The following PTPRM variants were observed in gnomAD, a reference collection of about 807,000 sequenced individuals.
PTPRM encodes protein tyrosine phosphatase receptor type M.
Under a neutral mutation model 186.7 loss-of-function variants are expected in PTPRM, and 47 were observed. The ratio of observed to expected loss-of-function variants is 0.25; its 90% CI spans 0.20 to 0.32. The LOEUF (loss-of-function observed/expected upper bound fraction) is 0.32, where lower values mean the gene tolerates loss of function less well. Among genes scored for constraint, PTPRM ranks in the 10% least tolerant of loss-of-function variants. The probability of loss-of-function intolerance (pLI) is 1.00; values close to 1 mark genes in which losing one functional copy is unlikely to be tolerated. For synonymous variants in PTPRM, 668 were observed against 674.9 expected (o/e 0.99, Z 0.16); for missense variants, 1,494 against 1,865.0 (o/e 0.80, Z 3.66).
At chr18:7,722,440 C>A (rs2040465172) in intron 1 of PTPRM, among the ~76,000 whole-genome samples, 1 of 151,858 alleles carries the variant, frequency 6.6e-6, no homozygotes, top group African/African-American at 2.4e-5. Context: ...CGTACACCAT[C>A]ATAAAATCCA....
In PTPRM at chr18:8,394,088, A is replaced by G. The variant is rs113400408; in HGVS notation, c.4209-388A>G. Among the ~76,000 whole-genome samples, 496 of 152,160 alleles carry G rather than the reference A, an allele frequency of 3.3e-3. 2 individuals are homozygous for G. The highest frequency in any genetic ancestry group is 0.012 in the African/African-American group (478 of 41,530). On this transcript the variant is annotated intron_variant, in intron 31 of 32. Transcript: ENST00000580170. ...ATTACAGGTGTGAGTCACTGCGCCC[A>G]GCTGCTAATGGATGTTTTTAAAGGC...
At chr18:7,797,445 C>A (rs1000848915) in intron 2 of PTPRM, among the ~76,000 whole-genome samples, 3 of 152,224 alleles carry the variant, frequency 2.0e-5, no homozygotes, top group African/African-American at 7.2e-5. Flanking sequence ...GGTGTTCCTC[C>A]ACTCAGAGTA....
At chr18:7,945,005 T>C (rs1288640960) in intron 5 of PTPRM, among the ~76,000 whole-genome samples, 2 of 152,180 alleles carry the variant, frequency 1.3e-5, no homozygotes, top group Non-Finnish European at 2.9e-5. Context: ...TGGGTCATCA[T>C]AGGAGAGCCC....
At chr18:7,834,485 C>A (rs1273241839) in intron 2 of PTPRM, among the ~76,000 whole-genome samples, 1 of 95,396 alleles carries the variant, frequency 1.0e-5, no homozygotes, top group Non-Finnish European at 2.3e-5. Flanking sequence ...GGCCAATATA[C>A]AAGTATACAC....
intron 1 of PTPRM, among the ~76,000 whole-genome samples, chr18:7,688,656 C>G (rs2039664634): frequency 6.6e-6 from 1 of 152,186 alleles, no homozygotes. Context: ...AGAGAGTAGT[C>G]CAGGCCCTTT....
intron 7 of PTPRM, among the ~76,000 whole-genome samples, chr18:8,029,715 A>G (rs1223769969): frequency 6.6e-6 from 1 of 152,116 alleles, no homozygotes; most frequent in Non-Finnish European, 1.5e-5. Flanking sequence ...GAGAGTAGAG[A>G]TTGTGTCTTA....
At chr18:8,282,246 A>G (rs751257589) in intron 19 of PTPRM, among the ~76,000 whole-genome samples, 11 of 152,208 alleles carry the variant, frequency 7.2e-5, no homozygotes, top group Admixed American at 6.5e-5. Context: ...GAGCAGCCAA[A>G]ATAAAAAGCA....
At chr18:8,329,807 T>A (rs1291410727) in intron 22 of PTPRM, among the ~76,000 whole-genome samples, 1 of 152,124 alleles carries the variant, frequency 6.6e-6, no homozygotes, top group African/African-American at 2.4e-5. Context: ...ATTATTTAGA[T>A]TTTTTTCAAG....
At chr18:7,966,281 T>G (rs960453017) in intron 7 of PTPRM, among the ~76,000 whole-genome samples, 4 of 152,234 alleles carry the variant, frequency 2.6e-5, no homozygotes, top group Non-Finnish European at 5.9e-5. Flanking sequence ...CCAAAATTGC[T>G]GATCCTCCAT....
chr18:7,923,447 A>G (rs1467966336), intron 4 of PTPRM, among the ~76,000 whole-genome samples: 1 of 152,180 alleles, frequency 6.6e-6, no homozygotes, highest in Admixed American at 6.5e-5. Context: ...TATTGGAAGG[A>G]AAACTTTTCC....
intron 20 of PTPRM, among the ~76,000 whole-genome samples, chr18:8,309,855 A>G (rs1008771476): frequency 1.3e-5 from 2 of 152,178 alleles, no homozygotes; most frequent in Non-Finnish European, 2.9e-5. Context: ...GATCTGTAGG[A>G]GAAATAAGTC....
At chr18:7,859,177 T>C (rs144404809) in intron 2 of PTPRM, among the ~76,000 whole-genome samples, 54 of 152,330 alleles carry the variant, frequency 3.5e-4, no homozygotes, top group African/African-American at 1.0e-3. Context: ...CTGTTTAATA[T>C]GTGTATTAGA....
intron 7 of PTPRM, among the ~76,000 whole-genome samples, chr18:8,034,399 T>A (rs2086194369): frequency 6.6e-6 from 1 of 152,182 alleles, no homozygotes; most frequent in East Asian, 1.9e-4. Flanking sequence ...GAATCAGATA[T>A]GTCTGAGCCT....
chr18:7,856,384 G>T (rs992743228), intron 2 of PTPRM, among the ~76,000 whole-genome samples: 4 of 152,158 alleles, frequency 2.6e-5, no homozygotes, highest in African/African-American at 9.7e-5. Flanking sequence ...GCCCATGTCT[G>T]CATAAATTTT....
At chr18:7,596,140 G>A (rs1021879078) in intron 1 of PTPRM, among the ~76,000 whole-genome samples, 3 of 152,050 alleles carry the variant, frequency 2.0e-5, no homozygotes, top group African/African-American at 7.2e-5. Context: ...TGTGCTTTGG[G>A]GCCCTTATGA....
intron 1 of PTPRM, among the ~76,000 whole-genome samples, chr18:7,662,053 G>T (rs188265503): frequency 2.4e-4 from 36 of 152,226 alleles, no homozygotes; most frequent in Admixed American, 9.2e-4. Context: ...GAATAGTGGG[G>T]ACCACAGGCG....
At chr18:7,726,450 T>C (rs540326865) in intron 1 of PTPRM, among the ~76,000 whole-genome samples, 1 of 152,322 alleles carries the variant, frequency 6.6e-6, no homozygotes, top group Non-Finnish European at 1.5e-5. Context: ...GTTAATAATA[T>C]CATTTTATAT....
intron 1 of PTPRM, among the ~76,000 whole-genome samples, chr18:7,656,844 C>T (rs2038861204): frequency 6.6e-6 from 1 of 152,078 alleles, no homozygotes; most frequent in South Asian, 2.1e-4. Flanking sequence ...CCTCCTCCTC[C>T]TGAGAACAGG....
intron 14 of PTPRM, chr18:8,155,145 A>G (rs567768489): frequency 6.6e-6 from 1 of 152,318 alleles, no homozygotes; most frequent in Non-Finnish European, 1.5e-5. Flanking sequence ...TCATCCATGT[A>G]TAATTAGATA....
Sources: gnomAD v4.1 joint callset for allele counts (sites outside exome capture counted in the v4.1 genomes callset) on GRCh38, gnomAD v4.1.1 for gene constraint, MANE v1.5 for transcripts, NCBI Gene and HGNC (gene_info 2026-07-23, HGNC 2026-07-21) for gene names.